Variants in SLIT2 observed in about 807,000 individuals in gnomAD.
SLIT2 encodes slit guidance ligand 2.
Under a neutral mutation model 185.7 loss-of-function variants are expected in SLIT2, and 41 were observed. That is an observed-to-expected ratio of 0.22 (90% CI 0.17 to 0.29). SLIT2 has a LOEUF of 0.29. Among genes scored for constraint, SLIT2 ranks in the 10% least tolerant of loss-of-function variants. SLIT2 has a pLI of 1.00. For missense variants in SLIT2, 1,571 were observed against 1,909.0 expected, an observed-to-expected ratio of 0.82 and a Z score of 3.30; for synonymous variants, 693 against 680.2, an observed-to-expected ratio of 1.02 and a Z score of -0.29.
In SLIT2 at chr4:20,533,585, A is replaced by G; in HGVS notation, c.1702A>G (p.Asn568Asp). The change falls in exon 18 of 37, where the codon AAT becomes GAT. Residue 568 changes from asparagine (N) to aspartate (D), a missense_variant. By Grantham distance (23) the Asn-to-Asp change is conservative. Coordinates refer to ENST00000504154, the MANE Select transcript of SLIT2 (RefSeq NM_004787.4). ...PQLRKINFSNNKITDIEEGAF... is the reference protein window; with the variant it reads ...PQLRKINFSNDKITDIEEGAF... Reference sequence around the variant, plus strand: ...ATTTTTATTTAGAAACTTTAGCAACAATAAGATCACAGATATTGAGGAGGG... The same window carrying G: ...ATTTTTATTTAGAAACTTTAGCAACGATAAGATCACAGATATTGAGGAGGG... 6.2e-7 allele frequency: 1 copy of G among 1,608,800 alleles called. No individual in the cohort carries two copies. The highest frequency in any genetic ancestry group is 8.5e-7 in the Non-Finnish European group (1 of 1,176,782).
chr4:20,545,579 T>C (rs1723176483), intron 21 of SLIT2, among the ~76,000 whole-genome samples: 1 of 152,088 alleles, frequency 6.6e-6, no homozygotes, highest in Non-Finnish European at 1.5e-5. Context: ...AAACCTAATA[T>C]GTTCAAATCC....
chr4:20,516,472 A>G (rs1226033897), intron 11 of SLIT2, among the ~76,000 whole-genome samples: 1 of 152,120 alleles, frequency 6.6e-6, no homozygotes, highest in African/African-American at 2.4e-5. Flanking sequence ...TCCCTCATGT[A>G]TTGATTTTCT....
chr4:20,397,831 G>A (rs1388798557), intron 4 of SLIT2, among the ~76,000 whole-genome samples: 1 of 151,682 alleles, frequency 6.6e-6, no homozygotes, highest in Non-Finnish European at 1.5e-5. Context: ...AATCACATGT[G>A]GTTGTCGGAA....
At chr4:20,501,714 T>C (rs966995456) in intron 9 of SLIT2, among the ~76,000 whole-genome samples, 1 of 152,164 alleles carries the variant, frequency 6.6e-6, no homozygotes, top group African/African-American at 2.4e-5. Flanking sequence ...ACCATGCATG[T>C]AGTTCCGCAG....
At chr4:20,320,246 A>G (rs1718952183) in intron 4 of SLIT2, among the ~76,000 whole-genome samples, 2 of 152,116 alleles carry the variant, frequency 1.3e-5, no homozygotes, top group Non-Finnish European at 2.9e-5. Context: ...CAGCCCCAAC[A>G]TTCTCATTCA....
chr4:20,412,172 T>C (rs997533758), intron 4 of SLIT2, among the ~76,000 whole-genome samples: 5 of 151,780 alleles, frequency 3.3e-5, no homozygotes, highest in African/African-American at 1.2e-4. Flanking sequence ...TGAAAGATGG[T>C]CAAAAAGATG....
At chr4:20,337,246 G>A (rs201306998) in intron 4 of SLIT2, among the ~76,000 whole-genome samples, 53 of 152,250 alleles carry the variant, frequency 3.5e-4, no homozygotes, top group East Asian at 2.7e-3. Context: ...CAATCATGGC[G>A]GAAGGCAAGG....
chr4:20,604,151 T>C lies in SLIT2; in HGVS notation c.3692+5756T>C, dbSNP rs1233698073. Among the ~76,000 whole-genome samples, 10 of 152,282 alleles carry C rather than the reference T, an allele frequency of 6.6e-5. No individual in the cohort carries two copies. The East Asian group carries it at 1.7e-3, about 26-fold the overall frequency. ...CATGGATACTCTTCCTGCTCAAATA[T>C]CTGGATACTGAAGAATAAATACCCA... On this transcript the variant is annotated intron_variant, in intron 33 of 36. Coordinates refer to ENST00000504154, the MANE Select transcript of SLIT2 (RefSeq NM_004787.4).
chr4:20,457,696 A>G (rs1447223359), intron 4 of SLIT2, among the ~76,000 whole-genome samples: 1 of 152,028 alleles, frequency 6.6e-6, no homozygotes, highest in Non-Finnish European at 1.5e-5. Flanking sequence ...TCCTTTCTGG[A>G]TCTGAACTTC....
At chr4:20,559,317 A>G (rs1455810813) in intron 26 of SLIT2, among the ~76,000 whole-genome samples, 1 of 152,006 alleles carries the variant, frequency 6.6e-6, no homozygotes, top group East Asian at 1.9e-4. Context: ...GTTGGCAAGC[A>G]GAGTAGACAT....
chr4:20,554,262 C>A, intron 26 of SLIT2: 1 of 505,208 alleles, frequency 2.0e-6, no homozygotes, highest in Non-Finnish European at 3.8e-6. Context: ...TCTAACAAGT[C>A]AAATGTTTTG....
intron 4 of SLIT2, among the ~76,000 whole-genome samples, chr4:20,292,618 A>G (rs1716069373): frequency 6.6e-6 from 1 of 152,206 alleles, no homozygotes; most frequent in South Asian, 2.1e-4. Context: ...CTTTTTTATT[A>G]GCAATGATAA....
chr4:20,365,736 C>T (rs982056857), intron 4 of SLIT2, among the ~76,000 whole-genome samples: 3 of 152,134 alleles, frequency 2.0e-5, no homozygotes, highest in Non-Finnish European at 4.4e-5. Context: ...TTTTCACTCG[C>T]ACGCATCCCT....
chr4:20,511,124 T>A lies in SLIT2; in HGVS notation c.1045T>A (p.Ser349Thr). 1 of 1,596,164 alleles carries A rather than the reference T, an allele frequency of 6.3e-7. No individual in the cohort carries two copies. The highest frequency in any genetic ancestry group is 8.6e-7 in the Non-Finnish European group (1 of 1,165,626). ...ACCAGATGCTTTCCAAGGACTACGCTCTCTGAATTCACTGTAAGTATTCAC... is the reference window on the plus strand; with the variant it reads ...ACCAGATGCTTTCCAAGGACTACGCACTCTGAATTCACTGTAAGTATTCAC... ...LAPDAFQGLR[S>T]LNSLVLYGNK... Residue 349 changes from serine (S) to threonine (T), a missense_variant, in exon 11 of 37, where the codon TCT (serine) becomes ACT (threonine). Ser to Thr is a moderately conservative substitution (Grantham distance 58). Around this residue, in one of 3 missense-constraint regions of SLIT2, gnomAD observed 1,202 missense variants for 1,416.4 expected, o/e 0.85. Coordinates refer to ENST00000504154, the MANE Select transcript of SLIT2 (RefSeq NM_004787.4).
In SLIT2 at chr4:20,510,985, T is replaced by C. The variant is rs1488493636; in HGVS notation, c.987-81T>C. 9.3e-6 allele frequency: 8 copies of C among 858,206 alleles called. No homozygotes were observed. The Admixed American group carries it at 1.2e-4, about 13-fold the overall frequency. 53.2% of individuals were successfully genotyped at this position (858,206 alleles called of 1,614,324 possible). A position where few individuals can be genotyped will look rare whatever the true frequency, so the allele number is the denominator to read the frequency against. On this transcript the variant is annotated intron_variant, in intron 10 of 36. Coordinates refer to ENST00000504154, the MANE Select transcript of SLIT2 (RefSeq NM_004787.4). ...TCTTGATAAGTACAAAACCAACATT[T>C]AAAAGCCATACATAGCTTTTTCCGC...
intron 4 of SLIT2, among the ~76,000 whole-genome samples, chr4:20,404,986 T>G (rs1455150540): frequency 6.6e-6 from 1 of 150,972 alleles, no homozygotes; most frequent in Admixed American, 6.6e-5. Context: ...TGTAAAAGAT[T>G]TTATTTGTAT....
chr4:20,294,392 C>G (rs1716268377), intron 4 of SLIT2, among the ~76,000 whole-genome samples: 1 of 151,466 alleles, frequency 6.6e-6, no homozygotes, highest in African/African-American at 2.4e-5. Flanking sequence ...AAATGTTGTG[C>G]TGGGCACTAT....
chr4:20,527,487 C>T (rs922764836), intron 15 of SLIT2, among the ~76,000 whole-genome samples: 2 of 152,078 alleles, frequency 1.3e-5, no homozygotes, highest in Non-Finnish European at 2.9e-5. Flanking sequence ...GGGTTTTCAC[C>T]CGTCAGGTGA....
At chr4:20,429,533 A>G (rs974510830) in intron 4 of SLIT2, among the ~76,000 whole-genome samples, 11 of 152,184 alleles carry the variant, frequency 7.2e-5, no homozygotes, top group South Asian at 2.1e-4. Context: ...TACGTACACA[A>G]ATAAATTTTT....
Sources: gnomAD v4.1 joint callset for allele counts (sites outside exome capture counted in the v4.1 genomes callset) on GRCh38, gnomAD v4.1.1 for gene constraint, gnomAD v4.1.1 regional missense constraint, MANE v1.5 for transcripts, NCBI Gene and HGNC (gene_info 2026-07-23, HGNC 2026-07-21) for gene names.